SDK1: variants seen among roughly 807,000 people sequenced by gnomAD.
SDK1 encodes protein sidekick-1.
In SDK1, 157 loss-of-function variants were observed where a neutral mutation model predicts 245.5. The ratio of observed to expected loss-of-function variants is 0.64; its 90% confidence interval spans 0.56 to 0.73. SDK1 has a LOEUF of 0.73. SDK1 is among the 30% of genes least tolerant of loss of function. SDK1 has a pLI of 0.00. For synonymous variants in SDK1, 1,647 were observed against 1,278.5 expected, an observed-to-expected ratio of 1.29 and a Z score of -6.15; for missense variants, 3,583 against 3,002.3, an observed-to-expected ratio of 1.19 and a Z score of -4.52.
Position 4,086,179 on chromosome 7 carries a change from G to A in SDK1, c.3324+6595G>A, listed in dbSNP as rs186992985. 3.8e-3 allele frequency among the ~76,000 whole-genome samples: 572 copies of A among 152,268 alleles called. 9 individuals carry two copies. Among genetic ancestry groups the A allele is most frequent in the Admixed American group, 0.034 (515 of 15,296 alleles). On this transcript the variant is annotated intron_variant, in intron 22 of 44. Transcript: ENST00000404826. Reference sequence around the variant, plus strand: ...CTGAATACCCCTGGGCATCATGTGTGCACTTGTCCTTTCTTCTCACACCTG... The same window carrying A: ...CTGAATACCCCTGGGCATCATGTGTACACTTGTCCTTTCTTCTCACACCTG...
chr7:3,572,450 G>A (rs1452753531), intron 1 of SDK1, among the ~76,000 whole-genome samples: 2 of 151,952 alleles, frequency 1.3e-5, no homozygotes, highest in South Asian at 2.1e-4. Context: ...CATCACTTCT[G>A]ACTGGGGAAT....
intron 1 of SDK1, among the ~76,000 whole-genome samples, chr7:3,601,487 G>A (rs930367644): frequency 2.6e-5 from 4 of 151,880 alleles, no homozygotes; most frequent in African/African-American, 9.7e-5. Context: ...TATCTTCTAA[G>A]CTGTTAAATT....
chr7:3,301,946 A>C, intron 1 of SDK1, 62 bp downstream of exon 1: 3 of 1,064,684 alleles, frequency 2.8e-6, no homozygotes, highest in Non-Finnish European at 3.4e-6. Flanking sequence ...CGCGAACTTG[A>C]GCAGCGAGAG....
chr7:4,163,445 G>A (rs1335326936), intron 32 of SDK1, among the ~76,000 whole-genome samples: 1 of 152,208 alleles, frequency 6.6e-6, no homozygotes, highest in African/African-American at 2.4e-5. Flanking sequence ...CGGTGCAGGG[G>A]AGGCAGGAAG....
intron 4 of SDK1, among the ~76,000 whole-genome samples, chr7:3,742,666 C>T (rs1779508858): frequency 6.6e-6 from 1 of 152,176 alleles, no homozygotes; most frequent in South Asian, 2.1e-4. Flanking sequence ...AAGTCCTCCT[C>T]CCACCCCTTT....
At chr7:3,918,416 G>A (rs382301) in intron 5 of SDK1, among the ~76,000 whole-genome samples, 116,962 of 152,084 alleles carry the variant, frequency 0.77, 46,000 homozygotes, top group East Asian at 0.99. Context: ...CCTATTGTGA[G>A]CTGTGCCCGC....
At chr7:3,871,795 G>A (rs1336210051) in intron 5 of SDK1, among the ~76,000 whole-genome samples, 1 of 152,154 alleles carries the variant, frequency 6.6e-6, no homozygotes, top group Non-Finnish European at 1.5e-5. Flanking sequence ...CTCCAACACT[G>A]GGGATCAAAT....
chr7:3,772,574 C>A (rs146526298), intron 4 of SDK1, among the ~76,000 whole-genome samples: 1 of 152,138 alleles, frequency 6.6e-6, no homozygotes, highest in Admixed American at 6.5e-5. Context: ...AAAGTATTAG[C>A]ATCTTAAATC....
At chr7:4,152,676 C>T (rs1584307828) in intron 30 of SDK1, among the ~76,000 whole-genome samples, 1 of 152,198 alleles carries the variant, frequency 6.6e-6, no homozygotes, top group Non-Finnish European at 1.5e-5. Flanking sequence ...CAATAGAGAA[C>T]ATGTCACAGG....
At chr7:3,960,627 G>A (rs578203816) in intron 8 of SDK1, among the ~76,000 whole-genome samples, 7 of 152,272 alleles carry the variant, frequency 4.6e-5, no homozygotes, top group Admixed American at 2.0e-4. Flanking sequence ...CTCCTGGCCC[G>A]GGACTTGGTT....
intron 14 of SDK1, among the ~76,000 whole-genome samples, chr7:3,999,757 T>G (rs2128143842): frequency 6.6e-6 from 1 of 152,368 alleles, no homozygotes; most frequent in South Asian, 2.1e-4. Flanking sequence ...TATTTTTAAG[T>G]ACAAAGTAAT....
chr7:3,325,486 C>G (rs945613543), intron 1 of SDK1, among the ~76,000 whole-genome samples: 3 of 152,018 alleles, frequency 2.0e-5, no homozygotes, highest in South Asian at 4.1e-4. Flanking sequence ...AAGCGTGGCA[C>G]TTAAGATTCT....
chr7:3,461,857 G>A (rs1482815307), intron 1 of SDK1, among the ~76,000 whole-genome samples: 1 of 152,118 alleles, frequency 6.6e-6, no homozygotes, highest in South Asian at 2.1e-4. Flanking sequence ...ATCTTTTTCT[G>A]TCTTCCTAGG....
At chr7:3,467,270 G>T (rs1016835808) in intron 1 of SDK1, among the ~76,000 whole-genome samples, 2 of 151,862 alleles carry the variant, frequency 1.3e-5, no homozygotes, top group African/African-American at 2.4e-5. Flanking sequence ...TTTGCACATT[G>T]AGAAACATTT....
intron 4 of SDK1, among the ~76,000 whole-genome samples, chr7:3,797,216 C>T (rs374880090): frequency 1.4e-4 from 21 of 152,106 alleles, no homozygotes; most frequent in African/African-American, 5.1e-4. Flanking sequence ...CCCCTAGCTC[C>T]AAGCATTCCT....
At chr7:4,245,978 AC>A (rs1326016254) in intron 44 of SDK1, among the ~76,000 whole-genome samples, 173 bp downstream of exon 44, 1 of 152,036 alleles carries the variant, frequency 6.6e-6, no homozygotes, top group Non-Finnish European at 1.5e-5. Context: ...ATTCAACCCC[AC>A]GGCCTGCTCT....
At chr7:4,075,052 C>G (rs1562771225) in intron 20 of SDK1, among the ~76,000 whole-genome samples, 1 of 151,402 alleles carries the variant, frequency 6.6e-6, no homozygotes, top group Non-Finnish European at 1.5e-5. Flanking sequence ...AGCCAGGCGC[C>G]TTTGATGAAG....
At chr7:3,934,690 C>G (rs894082547) in intron 5 of SDK1, among the ~76,000 whole-genome samples, 4 of 152,212 alleles carry the variant, frequency 2.6e-5, no homozygotes, top group South Asian at 2.1e-4. Flanking sequence ...GGAGTGGGGC[C>G]GATAAGCACG....
chr7:4,019,730 G>A (rs902750237), intron 17 of SDK1, among the ~76,000 whole-genome samples: 4 of 152,006 alleles, frequency 2.6e-5, no homozygotes, highest in Admixed American at 1.3e-4. Context: ...TTTGACATTG[G>A]GGGTTGGTAT....
Sources: allele counts gnomAD v4.1 joint callset (sites outside exome capture counted in the v4.1 genomes callset), GRCh38; gene constraint gnomAD v4.1.1; transcripts MANE v1.5; gene names NCBI Gene and HGNC (gene_info 2026-07-23, HGNC 2026-07-21).